The following DROSHA variants were observed in gnomAD, a reference collection of about 807,000 sequenced individuals.
The protein encoded by DROSHA is drosha ribonuclease III.
In DROSHA, 56 loss-of-function variants were observed where a neutral mutation model predicts 181.9. The observed-to-expected ratio is 0.31, with a 90% CI of 0.25 to 0.38. The LOEUF is 0.38. DROSHA is among the 10% of genes least tolerant of loss of function. The pLI is 1.00. For synonymous variants in DROSHA, 524 were observed against 591.2 expected (o/e 0.89, Z 1.65); for missense variants, 1,218 against 1,743.5 (o/e 0.70, Z 5.37).
Position 31,515,094 on chromosome 5 carries a change from G to A in DROSHA, c.1184C>T (p.Thr395Ile), listed in dbSNP as rs1371339734. The stretch of plus-strand genomic sequence containing the variant: ...TTCCTCCTCATTCTTGTCAGGCATG[G>A]TCTCCTCGGGCTCTTTTTCCTTGAT... ...TSIKEKEPEE[T>I]MPDKNEEEEE... The change falls in exon 8 of 36, where the codon ACC becomes ATC. Residue 395 changes from threonine to isoleucine, a missense_variant. By Grantham distance (89) the Thr-to-Ile change is moderately conservative. This residue lies in a region of DROSHA where 536 missense variants were observed against 535.4 expected (regional missense o/e 1.00). Transcript: ENST00000344624. 3 of 1,613,920 alleles carry A rather than the reference G, an allele frequency of 1.9e-6. No individual in the cohort carries two copies. Among genetic ancestry groups the A allele is most frequent in the Admixed American group, 1.7e-5 (1 of 60,012 alleles).
chr5:31,442,469 G>A (rs950268808), intron 23 of DROSHA, among the ~76,000 whole-genome samples: 1 of 152,086 alleles, frequency 6.6e-6, no homozygotes, highest in East Asian at 1.9e-4. Flanking sequence ...AAGATGAGAT[G>A]TTTACTGAGC....
rs1258017479 is a variant in DROSHA at position 31,470,839 on chromosome 5, C to A, written c.2241+1224G>T. Among the ~76,000 whole-genome samples, 3 of 152,154 alleles carry A rather than the reference C, an allele frequency of 2.0e-5. No homozygotes were observed. Among genetic ancestry groups the A allele is most frequent in the African/African-American group, 7.2e-5 (3 of 41,424 alleles). Reference sequence around the variant, plus strand: ...GAACTCTCCAAGTGGAACCACCCAGCTGAAACTGGACATCTGCCACCACCA... The same window carrying A: ...GAACTCTCCAAGTGGAACCACCCAGATGAAACTGGACATCTGCCACCACCA... On this transcript the variant is annotated intron_variant, in intron 17 of 35. Transcript: ENST00000344624. This position sits in a 1 kb window ranked among gnomAD's most constrained non-coding sequence, Gnocchi z 4.0.
intron 9 of DROSHA, among the ~76,000 whole-genome samples, chr5:31,509,931 T>C (rs1209657257): frequency 6.6e-6 from 1 of 151,624 alleles, no homozygotes; most frequent in Non-Finnish European, 1.5e-5. Flanking sequence ...TTCAGTTTTA[T>C]AAAAGGAAAA....
At position 31,472,074 on chromosome 5, in the gene DROSHA, T is replaced by C; in HGVS notation, c.2230A>G (p.Asn744Asp). 1 of 1,613,804 alleles carries C rather than the reference T, an allele frequency of 6.2e-7. No homozygotes were observed. The highest frequency in any genetic ancestry group is 1.1e-5 in the South Asian group (1 of 91,060). Residue 744 changes from asparagine to aspartate, a missense_variant, in exon 17 of 36, where the codon AAC (asparagine) becomes GAC (aspartate). Asn to Asp is a conservative substitution (Grantham distance 23, BLOSUM62 1). Around this residue, in one of 8 missense-constraint regions of DROSHA, gnomAD observed 460 missense variants for 774.2 expected, o/e 0.59. Transcript: ENST00000344624. ...ACACCAGAACATACCGTCCCAGGGT[T>C]GGTAACAATCATGCCTTTGCATTCT... ...AEECKGMIVT[N>D]PGTKPSSVRI...
intron 5 of DROSHA, among the ~76,000 whole-genome samples, chr5:31,525,556 G>A (rs377282150): frequency 1.2e-4 from 17 of 143,058 alleles, no homozygotes; most frequent in African/African-American, 4.3e-4. Context: ...CTTTCATAAT[G>A]TGTAAATAAT....
chr5:31,485,045 C>T (rs76723306), intron 14 of DROSHA, 83 bp from the exon 15 acceptor site: 78,341 of 962,778 alleles, frequency 0.081, 4,094 homozygotes, highest in African/African-American at 0.19. Flanking sequence ...TGTCAAGTGT[C>T]TTTAAAAGTG....
chr5:31,526,196 G>C lies in DROSHA; in HGVS notation c.737C>G (p.Ser246Cys). 1 of 1,613,828 alleles carries C rather than the reference G, an allele frequency of 6.2e-7. No individual in the cohort carries two copies. Residue 246 changes from serine (S) to cysteine (C), a missense_variant, in exon 5 of 36, where the codon TCC (serine) becomes TGC (cysteine). Around this residue, in one of 8 missense-constraint regions of DROSHA, gnomAD observed 536 missense variants for 535.4 expected, o/e 1.00. Transcript: ENST00000344624. ...GCGGCCTCGCTCCCGCCGATCCAGG[G>C]ACCGATGCCTCTCACCTCGCCCATG... Reference protein sequence around the residue: ...HSHGRGERHRSLDRRERGRSP... With the variant: ...HSHGRGERHRCLDRRERGRSP...
chr5:31,430,952 C>T (rs1744100755), intron 26 of DROSHA, among the ~76,000 whole-genome samples: 1 of 152,080 alleles, frequency 6.6e-6, no homozygotes. Context: ...GTAAAGCATA[C>T]AAACTTGCAG....
chr5:31,516,497 T>C (rs1739284796), intron 6 of DROSHA, among the ~76,000 whole-genome samples: 1 of 152,336 alleles, frequency 6.6e-6, no homozygotes, highest in Non-Finnish European at 1.5e-5. Context: ...AGGGAAAGTC[T>C]GTATGTATAT....
At chr5:31,481,303 C>A (rs1751006362) in intron 16 of DROSHA, among the ~76,000 whole-genome samples, 1 of 152,112 alleles carries the variant, frequency 6.6e-6, no homozygotes, top group Admixed American at 6.5e-5. Context: ...AATCAATAGA[C>A]CTTTTTCTTT....
chr5:31,424,563 C>A, intron 27 of DROSHA, 92 bp from the exon 28 acceptor site: 5 of 1,412,638 alleles, frequency 3.5e-6, no homozygotes, highest in Non-Finnish European at 4.8e-6. Flanking sequence ...AAATACGGAA[C>A]TATTTCAGAC....
rs1746675455 is a variant in DROSHA at position 31,449,200 on chromosome 5, C to A, written c.2821+81G>T. ...ACGGTGAAAGAGTCACCCAGGGAACCATTCCTAGAGGCGAAATAATTTACA... is the reference window on the plus strand; with the variant it reads ...ACGGTGAAAGAGTCACCCAGGGAACAATTCCTAGAGGCGAAATAATTTACA... On this transcript the variant is annotated intron_variant, in intron 22 of 35. Transcript: ENST00000344624. 5.2e-6 allele frequency: 8 copies of A among 1,552,922 alleles called. No homozygotes were observed. The African/African-American group carries it at 6.8e-5, about 13-fold the overall frequency.
chr5:31,467,723 C>A (rs1455809740), intron 18 of DROSHA: 1 of 448,842 alleles, frequency 2.2e-6, no homozygotes, highest in East Asian at 4.9e-5. Context: ...CAAAAATATT[C>A]TATTGAATAA....
Position 31,470,289 on chromosome 5 carries a change from C to T in DROSHA, c.2241+1774G>A, listed in dbSNP as rs375430495. Among the ~76,000 whole-genome samples, 24 of 152,168 alleles carry T rather than the reference C, an allele frequency of 1.6e-4. No homozygotes were observed. Among genetic ancestry groups the T allele is most frequent in the East Asian group, 1.5e-3 (8 of 5,192 alleles). ...CTCAGAGATCTTACTGTTTAGGAAG[C>T]ACCCCTGGCAAGCCTATCCCAGTGA... On this transcript the variant is annotated intron_variant, in intron 17 of 35. Coordinates refer to ENST00000344624, the MANE Select transcript of DROSHA (RefSeq NM_001382508.1). This position sits in a 1 kb window ranked among gnomAD's most constrained non-coding sequence, Gnocchi z 4.0.
At chr5:31,531,740 G>A (rs2150067937) in intron 1 of DROSHA, among the ~76,000 whole-genome samples, 1 of 152,266 alleles carries the variant, frequency 6.6e-6, no homozygotes, top group Non-Finnish European at 1.5e-5. Context: ...TCCCCTCCGA[G>A]AGCCGGGCGG....
In DROSHA at chr5:31,464,393, G is replaced by C. The variant is rs777533871; in HGVS notation, c.2467-50C>G. The C allele has an allele frequency of 4.6e-6, 7 of 1,534,646 alleles. No homozygotes were observed. The African/African-American group carries it at 8.2e-5, about 18-fold the overall frequency. On this transcript the variant is annotated intron_variant, in intron 19 of 35. Coordinates refer to ENST00000344624, the MANE Select transcript of DROSHA (RefSeq NM_001382508.1). ...GTAACACAACTGCTATAAAGCAATA[G>C]TAAGCCAAACATCAAGCATTAGAAA...
In DROSHA at chr5:31,422,922, C is replaced by A; in HGVS notation, c.3284G>T (p.Arg1095Leu). 1 of 1,607,134 alleles carries A rather than the reference C, an allele frequency of 6.2e-7. No individual in the cohort carries two copies. Among genetic ancestry groups the A allele is most frequent in the South Asian group, 1.1e-5 (1 of 89,816 alleles). The change falls in exon 29 of 36, where the codon CGA becomes CTA. Residue 1095 changes from arginine (R) to leucine (L), a missense_variant. By Grantham distance (102) the Arg-to-Leu change is moderately radical. Transcript: ENST00000344624. ...PLQLQEPNTD[R>L]QLIETSPVLQ... ...AACTGGAGAAGTTTCAATAAGTTGT[C>A]GATCAGTATTTGGCTCTTGTAGCTA...
chr5:31,410,679 G>A (rs1741201464), intron 31 of DROSHA, 67 bp downstream of exon 31: 1 of 1,541,732 alleles, frequency 6.5e-7, no homozygotes, highest in Non-Finnish European at 8.7e-7. Context: ...TGAGGAGGAG[G>A]ACAAATACGG....
At chr5:31,513,426 G>A (rs1561280302) in intron 8 of DROSHA, among the ~76,000 whole-genome samples, 1 of 152,142 alleles carries the variant, frequency 6.6e-6, no homozygotes, top group African/African-American at 2.4e-5. Flanking sequence ...CATTTCTAAC[G>A]GACAGAACCA....
Sources: gnomAD v4.1 joint callset for allele counts (sites outside exome capture counted in the v4.1 genomes callset) on GRCh38, gnomAD v4.1.1 for gene constraint, gnomAD v4.1.1 regional missense constraint, Gnocchi (gnomAD v3.1) non-coding constraint, MANE v1.5 for transcripts, NCBI Gene and HGNC (gene_info 2026-07-23, HGNC 2026-07-21) for gene names.